The following LHFPL3 variants were observed in gnomAD, a reference collection of about 807,000 sequenced individuals.
LHFPL3 encodes LHFPL tetraspan subfamily member 3 protein.
LHFPL3 carries 5 observed loss-of-function variants against 19.3 expected under a neutral mutation model. The observed-to-expected ratio is 0.26, with a 90% confidence interval of 0.14 to 0.54. The LOEUF (loss-of-function observed/expected upper bound fraction) is 0.54. LHFPL3 is among the 20% of genes least tolerant of loss of function. LHFPL3 has a pLI of 0.94. For synonymous variants in LHFPL3, 133 were observed against 126.2 expected (o/e 1.05, Z -0.36); for missense variants, 249 against 307.4 (o/e 0.81, Z 1.42).
intron 1 of LHFPL3, among the ~76,000 whole-genome samples, chr7:104,580,607 G>C (rs1205419998): frequency 6.6e-6 from 1 of 151,998 alleles, no homozygotes; most frequent in Non-Finnish European, 1.5e-5. Context: ...ATTATTCAAT[G>C]AATTTTGACA....
chr7:104,826,927 A>C (rs1444526772), intron 2 of LHFPL3: 1 of 151,998 alleles, frequency 6.6e-6, no homozygotes, highest in Non-Finnish European at 1.5e-5. Context: ...AGCTGGAGAC[A>C]TAATTGTTTT....
chr7:104,901,617 G>A (rs1444724973), intron 2 of LHFPL3, among the ~76,000 whole-genome samples: 2 of 152,036 alleles, frequency 1.3e-5, no homozygotes, highest in Non-Finnish European at 2.9e-5. Flanking sequence ...ATCCAGTCTG[G>A]AGTGCAGTGG....
intron 1 of LHFPL3, among the ~76,000 whole-genome samples, chr7:104,344,654 T>C (rs1024121042): frequency 6.6e-6 from 1 of 152,244 alleles, no homozygotes; most frequent in Admixed American, 6.5e-5. Flanking sequence ...ACATTTTCTT[T>C]AGCCACACAT....
chr7:104,777,465 C>T (rs2116413455), intron 2 of LHFPL3, among the ~76,000 whole-genome samples: 1 of 152,372 alleles, frequency 6.6e-6, no homozygotes, highest in South Asian at 2.1e-4. Flanking sequence ...ACCCAGCTCT[C>T]AGGCAATGCT....
chr7:104,360,798 C>T lies in LHFPL3; in HGVS notation c.445+31574C>T, dbSNP rs145937328. On this transcript the variant is annotated intron_variant, in intron 1 of 2. Transcript: ENST00000424859. ...AAACAAGAAATACTTTGAAGAAAGA[C>T]TTCAGAGGAGAGTGGAAATAGGGAG... Among the ~76,000 whole-genome samples, 1,314 of 151,048 alleles carry T rather than the reference C, an allele frequency of 8.7e-3. 14 individuals are homozygous for T. The highest frequency in any genetic ancestry group is 9.3e-3 in the Non-Finnish European group (629 of 67,862).
At chr7:104,455,680 C>T (rs1792524761) in intron 1 of LHFPL3, among the ~76,000 whole-genome samples, 1 of 152,152 alleles carries the variant, frequency 6.6e-6, no homozygotes, top group Non-Finnish European at 1.5e-5. Context: ...AAGATCATGC[C>T]ACTGTACTCC....
chr7:104,630,968 G>A (rs1402457686), intron 1 of LHFPL3, among the ~76,000 whole-genome samples: 2 of 152,100 alleles, frequency 1.3e-5, no homozygotes, highest in East Asian at 1.9e-4. Context: ...TCACTGAGTG[G>A]CAGAGAAGTC....
At chr7:104,902,755 C>T (rs563617410) in intron 2 of LHFPL3, among the ~76,000 whole-genome samples, 3 of 152,252 alleles carry the variant, frequency 2.0e-5, no homozygotes, top group African/African-American at 7.2e-5. Flanking sequence ...CACTGCACTC[C>T]AGCATGGGCA....
rs75256336 is a variant in LHFPL3 at position 104,481,068 on chromosome 7, A to G, written c.445+151844A>G. 4.3e-3 allele frequency among the ~76,000 whole-genome samples: 647 copies of G among 152,218 alleles called. 6 individuals carry two copies. The highest frequency in any genetic ancestry group is 0.015 in the African/African-American group (626 of 41,532). On this transcript the variant is annotated intron_variant, in intron 1 of 2. Coordinates refer to ENST00000424859, the MANE Select transcript of LHFPL3 (RefSeq NM_199000.3). The stretch of plus-strand genomic sequence containing the variant: ...TTGCTGGGTGACACAGTCATCATCT[A>G]TTAAATGCTGGGCTGCCCTAACACA...
At chr7:104,426,369 G>A (rs1458361232) in intron 1 of LHFPL3, among the ~76,000 whole-genome samples, 2 of 152,124 alleles carry the variant, frequency 1.3e-5, no homozygotes, top group East Asian at 1.9e-4. Flanking sequence ...CGATTCTCCT[G>A]CCTCATCCTC....
chr7:104,644,406 C>T (rs1791891542), intron 1 of LHFPL3, among the ~76,000 whole-genome samples: 1 of 152,168 alleles, frequency 6.6e-6, no homozygotes, highest in Admixed American at 6.5e-5. Flanking sequence ...TTTTCATAAA[C>T]TGCCTGTAAC....
chr7:104,637,539 T>G (rs1343794023), intron 1 of LHFPL3, among the ~76,000 whole-genome samples: 1 of 152,210 alleles, frequency 6.6e-6, no homozygotes, highest in African/African-American at 2.4e-5. Flanking sequence ...CTTTAATCCA[T>G]CTTGTGTTGA....
chr7:104,639,268 G>T (rs1298369226), intron 1 of LHFPL3, among the ~76,000 whole-genome samples: 1 of 152,052 alleles, frequency 6.6e-6, no homozygotes, highest in Admixed American at 6.6e-5. Context: ...TTATTGGTCT[G>T]TTCAGGAATT....
At chr7:104,523,003 T>C (rs1279578523) in intron 1 of LHFPL3, among the ~76,000 whole-genome samples, 1 of 149,378 alleles carries the variant, frequency 6.7e-6, no homozygotes, top group Non-Finnish European at 1.5e-5. Flanking sequence ...TGCACACATA[T>C]ATGTATATAT....
intron 1 of LHFPL3, among the ~76,000 whole-genome samples, chr7:104,625,930 A>G (rs1454561936): frequency 6.6e-6 from 1 of 151,472 alleles, no homozygotes; most frequent in Non-Finnish European, 1.5e-5. Context: ...CCAAAACAAC[A>G]CCCCTGCTAG....
intron 1 of LHFPL3, among the ~76,000 whole-genome samples, chr7:104,679,961 C>T (rs1584477112): frequency 6.6e-6 from 1 of 152,180 alleles, no homozygotes; most frequent in African/African-American, 2.4e-5. Flanking sequence ...TGAGTGATCT[C>T]ATGCAATTCA....
intron 1 of LHFPL3, among the ~76,000 whole-genome samples, chr7:104,556,745 T>C (rs1789843680): frequency 6.6e-6 from 1 of 152,244 alleles, no homozygotes; most frequent in Admixed American, 6.5e-5. Flanking sequence ...AGATTTTCTT[T>C]AACATCACAT....
At chr7:104,384,369 A>AGAAACCT (rs1162318075) in intron 1 of LHFPL3, among the ~76,000 whole-genome samples, 3 of 152,214 alleles carry the variant, frequency 2.0e-5, no homozygotes, top group Non-Finnish European at 4.4e-5. Flanking sequence ...ATATAAAAAA[A>AGAAACCT]GAAACCTGGG....
intron 1 of LHFPL3, among the ~76,000 whole-genome samples, chr7:104,501,724 T>C (rs1383007317): frequency 1.3e-5 from 2 of 152,194 alleles, no homozygotes; most frequent in African/African-American, 4.8e-5. Context: ...TCAAGAGACA[T>C]ATCTGAAAGA....
Sources: allele counts gnomAD v4.1 joint callset (sites outside exome capture counted in the v4.1 genomes callset), GRCh38; gene constraint gnomAD v4.1.1; transcripts MANE v1.5; gene names NCBI Gene and HGNC (gene_info 2026-07-23, HGNC 2026-07-21).